The following PTPDC1 variants were observed in gnomAD, a reference collection of about 807,000 sequenced individuals.
PTPDC1 encodes protein tyrosine phosphatase domain-containing protein 1.
PTPDC1 carries 53 observed loss-of-function variants against 75.3 expected under a neutral mutation model. The ratio of observed to expected loss-of-function variants is 0.70; its 90% CI spans 0.56 to 0.88. The LOEUF is 0.88. PTPDC1 is among the 40% of genes least tolerant of loss of function. PTPDC1 has a pLI of 0.00. For missense variants in PTPDC1, 925 were observed against 998.6 expected (o/e 0.93, Z 0.99); for synonymous variants, 349 against 366.2 (o/e 0.95, Z 0.54).
At chr9:94,050,358 G>T (rs980399749) in intron 1 of PTPDC1, among the ~76,000 whole-genome samples, 3 of 152,062 alleles carry the variant, frequency 2.0e-5, no homozygotes, top group African/African-American at 7.2e-5. Context: ...TCTACCTTTG[G>T]TCTTTGATGT....
In PTPDC1 at chr9:94,084,491, G is replaced by GGCTGACTCTT. The variant is rs1465743302; in HGVS notation, c.-39_-30dup. The GGCTGACTCTT allele has an allele frequency of 3.1e-6, 5 of 1,602,056 alleles. No homozygotes were observed. In the East Asian group the frequency reaches 1.1e-4, roughly 36 times the overall value. The stretch of plus-strand genomic sequence containing the variant: ...TGAAAGTTCCTCACTGAGTGAGTGG[G>GGCTGACTCTT]GCTGACTCTTCCTGCCTCCGGCTCT... On this transcript the variant is annotated 5_prime_UTR_variant, in exon 1 of 9. Coordinates refer to ENST00000620992, the MANE Select transcript of PTPDC1 (RefSeq NM_001253829.2).
At chr9:94,043,669 C>T (rs1168339866) in intron 1 of PTPDC1, among the ~76,000 whole-genome samples, 4 of 152,044 alleles carry the variant, frequency 2.6e-5, no homozygotes, top group African/African-American at 9.7e-5. Flanking sequence ...TGCAGTGAGC[C>T]GTGATCGCAC....
intron 1 of PTPDC1, among the ~76,000 whole-genome samples, chr9:94,039,300 TTA>T (rs770893153): frequency 1.3e-5 from 2 of 152,130 alleles, no homozygotes; most frequent in Non-Finnish European, 2.9e-5. Context: ...CTATGAGAAA[TTA>T]TATACAAATA....
chr9:94,043,043 T>C (rs999485371), intron 1 of PTPDC1, among the ~76,000 whole-genome samples: 1 of 152,256 alleles, frequency 6.6e-6, no homozygotes, highest in Non-Finnish European at 1.5e-5. Context: ...CTTCTCTTGC[T>C]GTTTACACTA....
intron 2 of PTPDC1, among the ~76,000 whole-genome samples, chr9:94,065,412 C>A (rs997154059): frequency 6.6e-6 from 1 of 152,250 alleles, no homozygotes; most frequent in Non-Finnish European, 1.5e-5. Context: ...CTTGGCAGTA[C>A]CACTTGCAGT....
chr9:94,106,015 T>C (rs913747528), intron 8 of PTPDC1, among the ~76,000 whole-genome samples: 2 of 152,004 alleles, frequency 1.3e-5, no homozygotes, highest in African/African-American at 4.8e-5. Flanking sequence ...TTAATGTTAA[T>C]AAGGAGTTTT....
intron 1 of PTPDC1, among the ~76,000 whole-genome samples, chr9:94,043,412 A>T (rs2118415334): frequency 6.6e-6 from 1 of 152,316 alleles, no homozygotes; most frequent in African/African-American, 2.4e-5. Flanking sequence ...TAGAAATTTT[A>T]AAATATAGTA....
intron 1 of PTPDC1, among the ~76,000 whole-genome samples, chr9:94,033,166 G>A (rs956935724): frequency 1.3e-5 from 2 of 152,104 alleles, no homozygotes; most frequent in East Asian, 1.9e-4. Context: ...CAGCCTGCAC[G>A]TCCTTTTTCA....
At chr9:94,085,115 G>C in intron 1 of PTPDC1, 136 bp from the exon 2 acceptor site, 1 of 750,734 alleles carries the variant, frequency 1.3e-6, no homozygotes, top group Admixed American at 3.0e-5. Flanking sequence ...AAACAGTTTT[G>C]TTTTCTTGAC....
intron 6 of PTPDC1, chr9:94,100,348 A>T (rs187317985): frequency 6.6e-6 from 1 of 152,316 alleles, no homozygotes; most frequent in African/African-American, 2.4e-5. Flanking sequence ...AGCATTTTTG[A>T]TTAGTGTCAG....
At chr9:94,064,395 T>A (rs752112409) in intron 1 of PTPDC1, among the ~76,000 whole-genome samples, 1 of 152,202 alleles carries the variant, frequency 6.6e-6, no homozygotes, top group African/African-American at 2.4e-5. Context: ...TAAGTATAAT[T>A]TTTGGTTTTT....
chr9:94,059,626 A>G (rs1331509550), intron 1 of PTPDC1, among the ~76,000 whole-genome samples: 7 of 152,182 alleles, frequency 4.6e-5, no homozygotes, highest in Admixed American at 2.6e-4. Flanking sequence ...TGGTTTAAAG[A>G]CGGTAGCATA....
At chr9:94,050,996 A>T (rs1825773907) in intron 1 of PTPDC1, among the ~76,000 whole-genome samples, 1 of 152,146 alleles carries the variant, frequency 6.6e-6, no homozygotes, top group Admixed American at 6.5e-5. Context: ...CTCCGTGGGC[A>T]TAGGAACCTC....
upstream of PTPDC1, among the ~76,000 whole-genome samples, chr9:94,080,121 A>G (rs1826828031): frequency 6.6e-6 from 1 of 152,120 alleles, no homozygotes; most frequent in South Asian, 2.1e-4. Context: ...GGATGAGGAG[A>G]GCATCTACCC....
chr9:94,088,067 T>C, intron 3 of PTPDC1, 78 bp from the exon 4 acceptor site: 1 of 1,535,420 alleles, frequency 6.5e-7, no homozygotes. Flanking sequence ...TAATTAATAA[T>C]GTTGATTAAT....
chr9:94,100,925 G>A (rs1827813855), intron 6 of PTPDC1: 1 of 152,110 alleles, frequency 6.6e-6, no homozygotes, highest in Non-Finnish European at 1.5e-5. Flanking sequence ...TGGAGTATTA[G>A]AAAAACTTTC....
chr9:94,087,626 T>C (rs374692468), intron 2 of PTPDC1, among the ~76,000 whole-genome samples: 2 of 152,234 alleles, frequency 1.3e-5, no homozygotes, highest in African/African-American at 4.8e-5. Flanking sequence ...GCAAACATTT[T>C]AGTGCATACC....
upstream of PTPDC1, among the ~76,000 whole-genome samples, chr9:94,080,051 T>C (rs1197946310): frequency 6.6e-6 from 1 of 151,904 alleles, no homozygotes; most frequent in Non-Finnish European, 1.5e-5. Flanking sequence ...AGAGCTTGGG[T>C]CAGGTTGGGA....
intron 1 of PTPDC1, among the ~76,000 whole-genome samples, chr9:94,040,005 A>C (rs1275498813): frequency 1.3e-5 from 2 of 152,166 alleles, no homozygotes; most frequent in African/African-American, 4.8e-5. Flanking sequence ...TTCAAAAGCC[A>C]CTCCAATGAG....
Sources: allele counts gnomAD v4.1 joint callset (sites outside exome capture counted in the v4.1 genomes callset), GRCh38; gene constraint gnomAD v4.1.1; transcripts MANE v1.5; gene names NCBI Gene and HGNC (gene_info 2026-07-23, HGNC 2026-07-21).